The following TTC23 variants were observed in gnomAD, a reference collection of about 807,000 sequenced individuals.
TTC23 encodes tetratricopeptide repeat domain 23.
TTC23 carries 58 observed loss-of-function variants against 55.1 expected under a neutral mutation model. The ratio of observed to expected loss-of-function variants is 1.05; its 90% confidence interval spans 0.85 to 1.31. TTC23 has a LOEUF of 1.31. TTC23 is among the 50% of genes most tolerant of loss of function. TTC23 has a pLI of 0.00. For synonymous variants in TTC23, 203 were observed against 199.9 expected (o/e 1.02, Z -0.13); for missense variants, 516 against 534.4 (o/e 0.97, Z 0.34).
chr15:99,219,083 A>G (rs760947437), intron 6 of TTC23, 35 bp from the exon 7 acceptor site: 6 of 1,610,164 alleles, frequency 3.7e-6, no homozygotes, highest in Admixed American at 3.4e-5. Context: ...CAGTTTCTCT[A>G]TCATCTCAAC....
Position 99,136,922 on chromosome 15 carries a change from A to G in TTC23, c.*1088T>C, listed in dbSNP as rs2067636459. ...TGGCTCTACTGAGTTTATTTTCCCCATCAATACTGGAGGTGGTGCCCTGCA... is the reference window on the plus strand; with the variant it reads ...TGGCTCTACTGAGTTTATTTTCCCCGTCAATACTGGAGGTGGTGCCCTGCA... On this transcript the variant is annotated 3_prime_UTR_variant, in exon 14 of 14. Transcript: ENST00000394132. The G allele has an allele frequency of 6.6e-6, 1 of 152,170 alleles. No homozygotes were observed. The highest frequency in any genetic ancestry group is 2.4e-5 in the African/African-American group (1 of 41,410). 9.4% of individuals were successfully genotyped at this position (152,170 alleles called of 1,614,324 possible).
At chr15:99,174,613 A>C (rs1027058759) in intron 10 of TTC23, among the ~76,000 whole-genome samples, 1 of 152,266 alleles carries the variant, frequency 6.6e-6, no homozygotes, top group Non-Finnish European at 1.5e-5. Flanking sequence ...ATAAATGGCA[A>C]CTTCCTTTTG....
In TTC23 at chr15:99,199,925, G is replaced by A; in HGVS notation, c.753C>T (p.Phe251=). The A allele has an allele frequency of 1.2e-6, 2 of 1,610,844 alleles. No homozygotes were observed. Among genetic ancestry groups the A allele is most frequent in the Non-Finnish European group, 1.7e-6 (2 of 1,178,550 alleles). The part of the protein sequence containing the change: ...LGLHDVSINH[F]LQAHLIILSR... ...CCAGGACCTTGTAGCTTACCTGGAG[G>A]AAGTGGTTGATGGATACATCGTGGA... Residue 251 remains phenylalanine, a synonymous_variant, in exon 9 of 14, where the codon TTC becomes TTT. Transcript: ENST00000394132.
intron 8 of TTC23, among the ~76,000 whole-genome samples, chr15:99,205,828 A>G (rs2076582406): frequency 6.6e-6 from 1 of 152,194 alleles, no homozygotes; most frequent in African/African-American, 2.4e-5. Context: ...TTCTTGGGCT[A>G]AAGCTTTCTG....
upstream of TTC23, chr15:99,251,183 C>G (rs893618067): frequency 6.6e-6 from 1 of 152,472 alleles, no homozygotes; most frequent in South Asian, 2.1e-4. Context: ...AAAAGCCACT[C>G]CGTCGACATC....
chr15:99,150,943 C>G (rs2069639689), intron 12 of TTC23, among the ~76,000 whole-genome samples: 1 of 152,208 alleles, frequency 6.6e-6, no homozygotes, highest in Non-Finnish European at 1.5e-5. Context: ...CTTCTTCCAA[C>G]CCACCAGCCT....
At chr15:99,218,760 C>T (rs955635837) in intron 7 of TTC23, 47 bp from the exon 8 acceptor site, 3 of 1,610,594 alleles carry the variant, frequency 1.9e-6, no homozygotes, top group Non-Finnish European at 2.5e-6. Flanking sequence ...GATTCTACAC[C>T]CCATGTCCTG....
intron 12 of TTC23, among the ~76,000 whole-genome samples, chr15:99,153,084 C>T (rs1268881748): frequency 6.6e-6 from 1 of 152,264 alleles, no homozygotes; most frequent in Non-Finnish European, 1.5e-5. Flanking sequence ...CAGGCATGAG[C>T]CACCGTGCCT....
intron 10 of TTC23, among the ~76,000 whole-genome samples, chr15:99,169,349 C>T (rs2072596572): frequency 7.2e-6 from 1 of 139,512 alleles, no homozygotes; most frequent in Non-Finnish European, 1.6e-5. Flanking sequence ...CTTACTCTCA[C>T]TTGACTGTAC....
intron 8 of TTC23, among the ~76,000 whole-genome samples, chr15:99,209,768 T>C (rs1160331049): frequency 2.0e-5 from 3 of 152,174 alleles, no homozygotes; most frequent in Non-Finnish European, 4.4e-5. Context: ...GGGGTCTCAC[T>C]CTGTCACCCA....
chr15:99,168,393 C>T (rs1161349798), intron 10 of TTC23, among the ~76,000 whole-genome samples: 3 of 152,212 alleles, frequency 2.0e-5, no homozygotes, highest in African/African-American at 7.2e-5. Flanking sequence ...TCCATGACCA[C>T]AACTTGGGGC....
rs1340653254 is a variant in TTC23 at position 99,156,208 on chromosome 15, G to C, written c.1083C>G (p.Leu361=). ...CCTGCGCCAGGTCTGCTCCTCCCAGGAGCCGGTATGTCTCTGCCACCTCGG... is the reference window on the plus strand; with the variant it reads ...CCTGCGCCAGGTCTGCTCCTCCCAGCAGCCGGTATGTCTCTGCCACCTCGG... ...FSPEVAETYR[L]LGGADLAQGN... The change falls in exon 12 of 14, where the codon CTC becomes CTG. Residue 361 remains leucine (L), a synonymous_variant. Coordinates refer to ENST00000394132, the MANE Select transcript of TTC23 (RefSeq NM_001288615.3). The C allele has an allele frequency of 6.2e-7, 1 of 1,614,218 alleles. No homozygotes were observed. The highest frequency in any genetic ancestry group is 2.2e-5 in the East Asian group (1 of 44,880).
At chr15:99,153,484 T>C (rs557845931) in intron 12 of TTC23, among the ~76,000 whole-genome samples, 3 of 152,350 alleles carry the variant, frequency 2.0e-5, no homozygotes, top group Non-Finnish European at 2.9e-5. Flanking sequence ...ACTCGATTTA[T>C]AGGATAGCCC....
chr15:99,212,293 C>T (rs1306621071), intron 8 of TTC23, among the ~76,000 whole-genome samples: 1 of 142,950 alleles, frequency 7.0e-6, no homozygotes, highest in East Asian at 2.1e-4. Context: ...TGTGTGTGTG[C>T]ATGCATGTGC....
intron 10 of TTC23, among the ~76,000 whole-genome samples, chr15:99,174,720 A>G (rs2073342194): frequency 6.6e-6 from 1 of 152,102 alleles, no homozygotes; most frequent in Non-Finnish European, 1.5e-5. Context: ...TTGCCACAAC[A>G]ATCTTTAAAA....
intron 9 of TTC23, among the ~76,000 whole-genome samples, chr15:99,187,455 A>AAAC: frequency 7.2e-6 from 1 of 138,824 alleles, no homozygotes; most frequent in Admixed American, 7.1e-5. Flanking sequence ...GCACAAGCAA[A>AAAC]AAAAAAAAAA....
In TTC23 at chr15:99,235,480, C is replaced by T. The variant is rs562948915; in HGVS notation, c.-113-400G>A. Among the ~76,000 whole-genome samples, 353 of 151,944 alleles carry T rather than the reference C, an allele frequency of 2.3e-3. 4 individuals carry two copies. Among genetic ancestry groups the T allele is most frequent in the African/African-American group, 8.0e-3 (331 of 41,418 alleles). On this transcript the variant is annotated intron_variant, in intron 3 of 13. Transcript: ENST00000394132. ...CTGCCTCCTGGGTTCAAGCGATTCC[C>T]CTGCCTCAGCCTCCCGAGTAGCTGG...
Position 99,211,383 on chromosome 15 carries a change from C to CA in TTC23, c.581+7204dup, listed in dbSNP as rs1389824101. On this transcript the variant is annotated intron_variant, in intron 8 of 13. Transcript: ENST00000394132. ...GAGAGTCTCAAAGACAAAAAACAAACAAACAAAAAAAAAGAAGAAGTAAGT... is the reference window on the plus strand; with the variant it reads ...GAGAGTCTCAAAGACAAAAAACAAACAAAACAAAAAAAAAGAAGAAGTAAGT... Among the ~76,000 whole-genome samples, 29 of 147,374 alleles carry CA rather than the reference C, an allele frequency of 2.0e-4. 1 individual carries two copies. Among genetic ancestry groups the CA allele is most frequent in the East Asian group, 1.6e-3 (8 of 5,098 alleles).
At chr15:99,159,671 C>A in intron 11 of TTC23, 1 of 152,388 alleles carries the variant, frequency 6.6e-6, no homozygotes. Context: ...CAGTGGAGTC[C>A]AGGTCGTGGA....
Sources: gnomAD v4.1 joint callset for allele counts (sites outside exome capture counted in the v4.1 genomes callset) on GRCh38, gnomAD v4.1.1 for gene constraint, MANE v1.5 for transcripts, NCBI Gene and HGNC (gene_info 2026-07-23, HGNC 2026-07-21) for gene names.